Variants in SFXN2 observed in about 807,000 individuals in gnomAD.
The protein encoded by SFXN2 is sideroflexin-2.
A neutral mutation model predicts 41.9 loss-of-function variants in SFXN2; 37 were observed. The observed-to-expected ratio is 0.88, with a 90% CI of 0.68 to 1.16. The LOEUF is 1.16. Ranked by LOEUF, SFXN2 falls within the 50% of genes most tolerant of loss-of-function variation. SFXN2 has a pLI of 0.00. For missense variants in SFXN2, 386 were observed against 425.2 expected (o/e 0.91, Z 0.81); for synonymous variants, 150 against 156.7 (o/e 0.96, Z 0.32).
At chr10:102,719,881 T>C (rs2064481122) in intron 1 of SFXN2, among the ~76,000 whole-genome samples, 1 of 152,190 alleles carries the variant, frequency 6.6e-6, no homozygotes, top group African/African-American at 2.4e-5. Context: ...ATCTGAAAAT[T>C]ATTTGTACAA....
intron 1 of SFXN2, among the ~76,000 whole-genome samples, chr10:102,723,517 G>A (rs1241111216): frequency 6.6e-6 from 1 of 152,208 alleles, no homozygotes; most frequent in Admixed American, 6.5e-5. Context: ...CTCCCAAAGT[G>A]TTGGGATTAC....
At chr10:102,715,125 C>T (rs989526038) in intron 1 of SFXN2, 1 of 152,544 alleles carries the variant, frequency 6.6e-6, no homozygotes, top group East Asian at 1.9e-4. Context: ...CTTTGCCTCA[C>T]AGGCTTAAGC....
chr10:102,732,147 C>T lies in SFXN2; in HGVS notation c.655-5C>T, dbSNP rs752181032. ...TTCTGACAACTTACTATTTTCTGCC[C>T]TCAGAGAGCTGCGGCCATAGGCATC... On this transcript the variant is annotated splice_region_variant and splice_polypyrimidine_tract_variant and intron_variant, in intron 7 of 11. Coordinates refer to ENST00000369893, the MANE Select transcript of SFXN2 (RefSeq NM_178858.6). 1 of 1,613,240 alleles carries T rather than the reference C, an allele frequency of 6.2e-7. No homozygotes were observed. The highest frequency in any genetic ancestry group is 1.3e-5 in the African/African-American group (1 of 74,908).
chr10:102,733,474 T>C, intron 9 of SFXN2, 80 bp from the exon 10 acceptor site: 1 of 1,208,222 alleles, frequency 8.3e-7, no homozygotes, highest in Non-Finnish European at 1.2e-6. Flanking sequence ...AGCTGGCTGA[T>C]CCATGGCAGA....
rs754987047 is a variant in SFXN2 at position 102,727,121 on chromosome 10, G to T, written c.296G>T (p.Gly99Val). ...CGCATGTCTTTCCAGCTTCCTGGCGGCATGATCATCACGGGCTTCATGCTC... is the reference window on the plus strand; with the variant it reads ...CGCATGTCTTTCCAGCTTCCTGGCGTCATGATCATCACGGGCTTCATGCTC... ...IGRMSFQLPG[G>V]MIITGFMLQF... Residue 99 changes from glycine to valine, a missense_variant, in exon 3 of 12, where the codon GGC becomes GTC. By Grantham distance (109) the Gly-to-Val change is moderately radical. Coordinates refer to ENST00000369893, the MANE Select transcript of SFXN2 (RefSeq NM_178858.6). 10 of 1,607,008 alleles carry T rather than the reference G, an allele frequency of 6.2e-6. No individual in the cohort carries two copies. Among genetic ancestry groups the T allele is most frequent in the Non-Finnish European group, 8.5e-6 (10 of 1,174,008 alleles).
rs140197433 is a variant in SFXN2, at chr10:102,726,758, G to A, written c.122G>A (p.Arg41Gln). 3.3e-5 allele frequency: 54 copies of A among 1,614,042 alleles called. No individual in the cohort carries two copies. In the African/African-American group the frequency reaches 4.4e-4, roughly 13 times the overall value. ...CCCCGCACTGTCTTTGTATCTGAGC[G>A]GGAGCTGGACTGGGCCAAGGTGATG... ...TDPRTVFVSE[R>Q]ELDWAKVMVE... Residue 41 changes from arginine (R) to glutamine (Q), a missense_variant, in exon 2 of 12, where the codon CGG becomes CAG. Physicochemically the swap from Arg to Gln is conservative, Grantham distance 43 (BLOSUM62 1). Coordinates refer to ENST00000369893, the MANE Select transcript of SFXN2 (RefSeq NM_178858.6).
chr10:102,726,565 G>A (rs775484637), intron 1 of SFXN2, 47 bp from the exon 2 acceptor site: 2 of 1,583,750 alleles, frequency 1.3e-6, no homozygotes, highest in Admixed American at 3.4e-5. Flanking sequence ...GTCCTCTGTG[G>A]TGGGCTTTGA....
chr10:102,732,698 G>T (rs929051227), intron 8 of SFXN2, among the ~76,000 whole-genome samples, 161 bp from the exon 9 acceptor site: 2 of 152,146 alleles, frequency 1.3e-5, no homozygotes, highest in African/African-American at 4.8e-5. Context: ...AAAGTTTGGG[G>T]GTGGTCATGC....
chr10:102,732,280 A>G, intron 8 of SFXN2, 62 bp downstream of exon 8: 1 of 1,495,358 alleles, frequency 6.7e-7, no homozygotes. Flanking sequence ...GGTCTCAGCC[A>G]CACTCAGCTT....
chr10:102,740,807 G>A lies in SFXN2; in HGVS notation c.*3045G>A, dbSNP rs554094147. On this transcript the variant is annotated 3_prime_UTR_variant, in exon 12 of 12. Transcript: ENST00000369893. ...TTGAGCTAGCTTCTTTAGGACAGGA[G>A]ACCTGGCTTTATTTCCAAAAGCAAA... 1 of 152,300 alleles carries A rather than the reference G, an allele frequency of 6.6e-6. No individual in the cohort carries two copies. Among genetic ancestry groups the A allele is most frequent in the Admixed American group, 6.5e-5 (1 of 15,300 alleles). The allele number at this position is 152,300 out of a possible 1,614,324, so 9.4% of individuals were successfully genotyped here.
chr10:102,740,252 C>A lies in SFXN2; in HGVS notation c.*2490C>A, dbSNP rs1842767031. 1 of 152,190 alleles carries A rather than the reference C, an allele frequency of 6.6e-6. No homozygotes were observed. Among genetic ancestry groups the A allele is most frequent in the South Asian group, 2.1e-4 (1 of 4,834 alleles). 9.4% of individuals were successfully genotyped at this position (152,190 alleles called of 1,614,324 possible). On this transcript the variant is annotated 3_prime_UTR_variant, in exon 12 of 12. Coordinates refer to ENST00000369893, the MANE Select transcript of SFXN2 (RefSeq NM_178858.6). ...AGTTGTACAAGCATCACCACTAATT[C>A]CAGAATTATTTTGAGACAGGATCTC...
At chr10:102,729,182 T>C in intron 4 of SFXN2, 137 bp from the exon 5 acceptor site, 1 of 729,548 alleles carries the variant, frequency 1.4e-6, no homozygotes, top group East Asian at 2.7e-5. Flanking sequence ...GGGGAGAGGG[T>C]CACAAGATAA....
chr10:102,733,348 CT>C (rs1417296144), intron 9 of SFXN2, among the ~76,000 whole-genome samples: 16 of 152,082 alleles, frequency 1.1e-4, no homozygotes, highest in Non-Finnish European at 2.2e-4. Flanking sequence ...CGGGTTTTCA[CT>C]GTGTTAGCCA....
At chr10:102,728,285 T>C (rs1176901693) in intron 3 of SFXN2, 146 bp from the exon 4 acceptor site, 4 of 599,570 alleles carry the variant, frequency 6.7e-6, no homozygotes, top group Non-Finnish European at 1.2e-5. Flanking sequence ...GGTGACAGAG[T>C]GAGACTCCGT....
In SFXN2 at chr10:102,732,160, G is replaced by A. The variant is rs149029896; in HGVS notation, c.663G>A (p.Ala221=). The A allele has an allele frequency of 1.0e-3, 1,639 of 1,613,758 alleles. 29 individuals carry two copies. The Admixed American group carries it at 0.019, about 19-fold the overall frequency. Residue 221 remains alanine, a synonymous_variant, in exon 8 of 12, where the codon GCG becomes GCA. Transcript: ENST00000369893. ...CTATTTTCTGCCCTCAGAGAGCTGC[G>A]GCCATAGGCATCACCCAAGTAGTTA... ...ENEIGHSRRA[A]AIGITQVVIS...
At position 102,732,815 on chromosome 10, in the gene SFXN2, G is replaced by A. The variant is rs767487207; in HGVS notation, c.722-44G>A. ...CTGACTTCAGAAGGAGTCCTGGGGA[G>A]AGCCTCCCAGCCCTCCCCTCAGCTT... is the stretch of plus-strand genomic sequence containing the variant. On this transcript the variant is annotated intron_variant, in intron 8 of 11. Coordinates refer to ENST00000369893, the MANE Select transcript of SFXN2 (RefSeq NM_178858.6). The A allele has an allele frequency of 3.7e-6, 6 of 1,609,728 alleles. No individual in the cohort carries two copies. In the South Asian group the frequency reaches 5.5e-5, roughly 15 times the overall value.
intron 2 of SFXN2, 63 bp downstream of exon 2, chr10:102,726,860 A>G: frequency 6.2e-7 from 1 of 1,600,588 alleles, no homozygotes; most frequent in East Asian, 2.2e-5. Context: ...TCTTGGGAGG[A>G]GGTGGAAACC....
At position 102,737,520 on chromosome 10, in the gene SFXN2, G is replaced by A. The variant is rs1295189075; in HGVS notation, c.870-143G>A. On this transcript the variant is annotated intron_variant, in intron 11 of 11. Transcript: ENST00000369893. ...AGAATGAAGTCAGGCCTGCGTAATG[G>A]TAAAGCAACATTGTGGTATACAGAG... 3 of 588,262 alleles carry A rather than the reference G, an allele frequency of 5.1e-6. No individual in the cohort carries two copies. In the East Asian group the frequency reaches 8.3e-5, roughly 16 times the overall value. 36.4% of individuals were successfully genotyped at this position (588,262 alleles called of 1,614,324 possible). A position where few individuals can be genotyped will look rare whatever the true frequency, so the allele number is the denominator to read the frequency against.
At chr10:102,728,366 G>A (rs2064641178) in intron 3 of SFXN2, 65 bp from the exon 4 acceptor site, 2 of 1,275,156 alleles carry the variant, frequency 1.6e-6, no homozygotes, top group South Asian at 2.4e-5. Flanking sequence ...GCTTTGACTG[G>A]CATACCCTCA....
Sources: allele counts gnomAD v4.1 joint callset (sites outside exome capture counted in the v4.1 genomes callset), GRCh38; gene constraint gnomAD v4.1.1; transcripts MANE v1.5; gene names NCBI Gene and HGNC (gene_info 2026-07-23, HGNC 2026-07-21).